SLC2A9: variants seen among roughly 807,000 people sequenced by gnomAD.
SLC2A9 encodes the protein solute carrier family 2, facilitated glucose transporter member 9.
In SLC2A9, 39 loss-of-function variants were observed where a neutral mutation model predicts 50.6. The ratio of observed to expected loss-of-function variants is 0.77; its 90% CI spans 0.60 to 1.01. The LOEUF (loss-of-function observed/expected upper bound fraction) is 1.01. SLC2A9 is among the 50% of genes least tolerant of loss of function. The pLI, the probability that SLC2A9 is intolerant of heterozygous loss-of-function variation, is 0.00. For missense variants in SLC2A9, 686 were observed against 677.6 expected (o/e 1.01, Z -0.14); for synonymous variants, 324 against 276.9 (o/e 1.17, Z -1.69).
chr4:9,900,901 A>G (rs1312991947), intron 8 of SLC2A9, among the ~76,000 whole-genome samples: 1 of 152,038 alleles, frequency 6.6e-6, no homozygotes, highest in Non-Finnish European at 1.5e-5. Context: ...CTATGATTCA[A>G]TTACCTCCCA....
intron 10 of SLC2A9, among the ~76,000 whole-genome samples, chr4:9,860,919 G>A (rs1488280476): frequency 1.3e-5 from 2 of 152,202 alleles, no homozygotes; most frequent in African/African-American, 2.4e-5. Flanking sequence ...AGATGTGTGC[G>A]TGGCTGCCTC....
intron 7 of SLC2A9, among the ~76,000 whole-genome samples, chr4:9,911,418 C>A (rs1049256038): frequency 6.6e-6 from 1 of 152,174 alleles, no homozygotes; most frequent in Non-Finnish European, 1.5e-5. Flanking sequence ...CACACTGAAG[C>A]TTATTTGATT....
chr4:9,870,680 C>A (rs923826349), intron 10 of SLC2A9, among the ~76,000 whole-genome samples: 1 of 152,160 alleles, frequency 6.6e-6, no homozygotes, highest in Non-Finnish European at 1.5e-5. Flanking sequence ...AGTACTAAAA[C>A]CGAACATGTG....
chr4:9,879,610 T>A (rs974653056), intron 10 of SLC2A9: 2 of 985,234 alleles, frequency 2.0e-6, no homozygotes, highest in Non-Finnish European at 2.4e-6. Flanking sequence ...GACCGCTCCA[T>A]CTTCTGGGGT....
intron 8 of SLC2A9, among the ~76,000 whole-genome samples, chr4:9,897,852 G>A (rs1738853894): frequency 6.6e-6 from 1 of 152,254 alleles, no homozygotes; most frequent in African/African-American, 2.4e-5. Flanking sequence ...AGCTGAGATT[G>A]TGCTACTGCA....
chr4:9,884,815 T>G (rs187148637), intron 10 of SLC2A9, among the ~76,000 whole-genome samples: 9 of 152,314 alleles, frequency 5.9e-5, no homozygotes, highest in Non-Finnish European at 1.0e-4. Flanking sequence ...GTGGTACATA[T>G]GTACCACGGA....
In SLC2A9 at chr4:9,803,849, A is replaced by C. The variant is rs186726029; in HGVS notation, n.421-4608T>G. ...AAATGAATGAAGGATATACTTATTA[A>C]ATACCTCCTATGTGCTAGGGGATAT... On this transcript the variant is annotated intron_variant and non_coding_transcript_variant, in intron 3 of 3. Transcript: ENST00000503280. Among the ~76,000 whole-genome samples the C allele has an allele frequency of 2.0e-5, 3 of 152,318 alleles. No individual in the cohort carries two copies. In the East Asian group the frequency reaches 5.8e-4, roughly 29 times the overall value.
chr4:9,801,812 A>T (rs1721444809), intron 3 of SLC2A9, among the ~76,000 whole-genome samples: 1 of 151,674 alleles, frequency 6.6e-6, no homozygotes, highest in South Asian at 2.1e-4. Flanking sequence ...GCAAAGAAAC[A>T]AGGGGGTTAC....
intron 3 of SLC2A9, among the ~76,000 whole-genome samples, chr4:9,792,209 C>T (rs1301136683): frequency 8.5e-6 from 1 of 118,180 alleles, no homozygotes; most frequent in African/African-American, 3.3e-5. Flanking sequence ...CAGGGTCTTG[C>T]TCTGTCATCC....
At chr4:9,959,778 T>G (rs73805303) in intron 5 of SLC2A9, among the ~76,000 whole-genome samples, 164 of 152,324 alleles carry the variant, frequency 1.1e-3, no homozygotes, top group African/African-American at 3.8e-3. Context: ...GATTTGTTTT[T>G]GGTAGTGAAT....
downstream of SLC2A9, among the ~76,000 whole-genome samples, chr4:9,798,305 T>C (rs1483973655): frequency 6.6e-6 from 1 of 152,206 alleles, no homozygotes; most frequent in Admixed American, 6.5e-5. Flanking sequence ...AATACTCAGC[T>C]TATGCAATGC....
chr4:9,858,926 T>C (rs1318639387), intron 10 of SLC2A9, among the ~76,000 whole-genome samples: 1 of 152,208 alleles, frequency 6.6e-6, no homozygotes, highest in Non-Finnish European at 1.5e-5. Flanking sequence ...TGCTGAGTCT[T>C]CCAGCCTTCA....
intron 10 of SLC2A9, among the ~76,000 whole-genome samples, chr4:9,846,582 T>C (rs1729032933): frequency 6.6e-6 from 1 of 152,150 alleles, no homozygotes; most frequent in Non-Finnish European, 1.5e-5. Flanking sequence ...TAGACCTCAG[T>C]TTCCTTGCCT....
intron 8 of SLC2A9, among the ~76,000 whole-genome samples, chr4:9,898,590 G>C (rs1303699301): frequency 2.0e-5 from 3 of 152,186 alleles, no homozygotes; most frequent in Admixed American, 2.0e-4. Context: ...CCTGTGCCAG[G>C]GTGAGCCTTT....
chr4:9,991,562 G>A (rs1327566757), intron 3 of SLC2A9, among the ~76,000 whole-genome samples: 1 of 152,204 alleles, frequency 6.6e-6, no homozygotes, highest in Admixed American at 6.5e-5. Flanking sequence ...GAGAGGTGGA[G>A]AAAGAGAGAG....
intron 10 of SLC2A9, among the ~76,000 whole-genome samples, chr4:9,849,145 A>T (rs1729469031): frequency 6.6e-6 from 1 of 152,160 alleles, no homozygotes. Flanking sequence ...CTAGGAGGCC[A>T]TGCTTGGGGC....
At chr4:10,037,592 G>C (rs1764147422) in intron 1 of SLC2A9, among the ~76,000 whole-genome samples, 2 of 104,652 alleles carry the variant, frequency 1.9e-5, no homozygotes, top group Non-Finnish European at 4.4e-5. Context: ...TAATCCAACA[G>C]TTTAAAAAAT....
At chr4:10,033,743 C>T (rs1578393726) in intron 1 of SLC2A9, among the ~76,000 whole-genome samples, 1 of 152,180 alleles carries the variant, frequency 6.6e-6, no homozygotes, top group African/African-American at 2.4e-5. Flanking sequence ...CCTGGCCGAC[C>T]TGGGTGGGGC....
rs115764731 is a variant in SLC2A9 at position 9,990,555 on chromosome 4, G to A, written c.411-4762C>T. Among the ~76,000 whole-genome samples, 326 of 152,274 alleles carry A rather than the reference G, an allele frequency of 2.1e-3. 2 individuals are homozygous for A. The highest frequency in any genetic ancestry group is 3.9e-3 in the Non-Finnish European group (268 of 68,016). On this transcript the variant is annotated intron_variant, in intron 3 of 11. Transcript: ENST00000264784. ...ATTTAGTTCTGGTAGATATGTCCTA[G>A]GCAGTGGGGGATGGGGTTGAAGATT...
Sources: allele counts gnomAD v4.1 joint callset (sites outside exome capture counted in the v4.1 genomes callset), GRCh38; gene constraint gnomAD v4.1.1; transcripts MANE v1.5; gene names NCBI Gene and HGNC (gene_info 2026-07-23, HGNC 2026-07-21).